SH3BGRL2: variants seen among roughly 807,000 people sequenced by gnomAD.
SH3BGRL2 encodes the protein SH3 domain binding glutamate rich protein like 2, also known as SH3 domain-binding glutamic acid-rich-like protein 2.
In SH3BGRL2, 21 loss-of-function variants were observed where a neutral mutation model predicts 14.8. That is an observed-to-expected ratio of 1.42 (90% CI 1.01 to 2.05). The LOEUF (loss-of-function observed/expected upper bound fraction) is 2.05. SH3BGRL2 is among the 30% of genes most tolerant of loss of function. SH3BGRL2 has a pLI of 0.00. For synonymous variants in SH3BGRL2, 50 were observed against 47.8 expected, an observed-to-expected ratio of 1.05 and a Z score of -0.19; for missense variants, 147 against 130.8, an observed-to-expected ratio of 1.12 and a Z score of -0.61.
the SH3BGRL2 span, among the ~76,000 whole-genome samples, chr6:79,547,423 G>T: frequency 6.6e-6 from 1 of 152,068 alleles, no homozygotes; most frequent in Non-Finnish European, 1.5e-5. Context: ...ATTGCCCAAG[G>T]TCACCCACCA....
the SH3BGRL2 span, among the ~76,000 whole-genome samples, chr6:79,551,071 A>T: frequency 2.0e-5 from 3 of 152,220 alleles, no homozygotes; most frequent in Admixed American, 6.5e-5. Flanking sequence ...GAAAAGAAAG[A>T]AATATCCACC....
chr6:79,661,395 A>C (rs1394345459), intron 1 of SH3BGRL2, among the ~76,000 whole-genome samples: 4 of 152,194 alleles, frequency 2.6e-5, no homozygotes, highest in Admixed American at 2.6e-4. Flanking sequence ...TTTACCCAGT[A>C]GTCATTCAGT....
At chr6:79,647,162 T>C (rs543987047) in intron 1 of SH3BGRL2, among the ~76,000 whole-genome samples, 2 of 152,338 alleles carry the variant, frequency 1.3e-5, no homozygotes, top group South Asian at 2.1e-4. Context: ...CCACTAGCAA[T>C]GTATGCAGGT....
intron 1 of SH3BGRL2, among the ~76,000 whole-genome samples, chr6:79,644,479 T>G (rs1769089516): frequency 6.6e-6 from 1 of 152,206 alleles, no homozygotes; most frequent in African/African-American, 2.4e-5. Flanking sequence ...TCATTGTGCT[T>G]TGTTTATTGT....
At chr6:79,624,345 T>C in the SH3BGRL2 span, among the ~76,000 whole-genome samples, 1 of 150,494 alleles carries the variant, frequency 6.6e-6, no homozygotes, top group Non-Finnish European at 1.5e-5. Context: ...AAACTATCTA[T>C]AATTAATATT....
chr6:79,631,445 C>T lies in SH3BGRL2; in HGVS notation c.-17C>T, dbSNP rs754089487. ...GAGCCCGGGGGGCAAGGGGTCTGTC[C>T]CGGGCGCAGCGAGAGGATGGTCATC... On this transcript the variant is annotated 5_prime_UTR_variant, in exon 1 of 4. Transcript: ENST00000369838. 2.1e-5 allele frequency: 32 copies of T among 1,518,376 alleles called. No individual in the cohort carries two copies. The highest frequency in any genetic ancestry group is 2.6e-5 in the Non-Finnish European group (29 of 1,133,090). The allele number at this position is 1,518,376 out of a possible 1,614,324, so 94.1% of individuals were successfully genotyped here.
intron 2 of SH3BGRL2, among the ~76,000 whole-genome samples, chr6:79,687,971 T>G (rs1380573899): frequency 6.6e-6 from 1 of 152,180 alleles, no homozygotes; most frequent in African/African-American, 2.4e-5. Flanking sequence ...CTAACTGTTC[T>G]CTCCAGAGAC....
intron 1 of SH3BGRL2, among the ~76,000 whole-genome samples, chr6:79,653,190 C>G (rs1436800337): frequency 6.6e-6 from 1 of 152,086 alleles, no homozygotes; most frequent in Non-Finnish European, 1.5e-5. Flanking sequence ...AGGACAAGAT[C>G]AAAAATTTCA....
At chr6:79,665,518 A>G (rs1769639833) in intron 1 of SH3BGRL2, among the ~76,000 whole-genome samples, 1 of 152,216 alleles carries the variant, frequency 6.6e-6, no homozygotes, top group Non-Finnish European at 1.5e-5. Flanking sequence ...AAAATTTCAA[A>G]TGGGAAAGAT....
chr6:79,644,346 G>C (rs924548757), intron 1 of SH3BGRL2, among the ~76,000 whole-genome samples: 14 of 152,076 alleles, frequency 9.2e-5, no homozygotes, highest in Admixed American at 5.2e-4. Flanking sequence ...GGGGAGTGTA[G>C]ACAGCCTCCA....
At chr6:79,609,560 T>C in the SH3BGRL2 span, among the ~76,000 whole-genome samples, 1 of 152,082 alleles carries the variant, frequency 6.6e-6, no homozygotes, top group African/African-American at 2.4e-5. Context: ...CCCTACAGCA[T>C]GGGTAAGTCA....
rs114060241 is a variant in SH3BGRL2 at position 79,635,158 on chromosome 6, C to A, written c.45+3652C>A. ...CCTAGTTGTGTGATTTCAGAAGAATCTTTACCTTCCTACTTGCCTTGACTA... is the reference window on the plus strand; with the variant it reads ...CCTAGTTGTGTGATTTCAGAAGAATATTTACCTTCCTACTTGCCTTGACTA... On this transcript the variant is annotated intron_variant, in intron 1 of 3. Coordinates refer to ENST00000369838, the MANE Select transcript of SH3BGRL2 (RefSeq NM_031469.4). Among the ~76,000 whole-genome samples the A allele has an allele frequency of 6.7e-3, 1,015 of 152,310 alleles. 12 individuals carry two copies. The highest frequency in any genetic ancestry group is 0.023 in the African/African-American group (947 of 41,566).
At chr6:79,578,802 T>C in the SH3BGRL2 span, among the ~76,000 whole-genome samples, 2 of 152,162 alleles carry the variant, frequency 1.3e-5, no homozygotes, top group Admixed American at 6.5e-5. Flanking sequence ...AGATTGACTT[T>C]TACAAGTAGG....
At chr6:79,552,259 T>C in the SH3BGRL2 span, among the ~76,000 whole-genome samples, 2 of 152,322 alleles carry the variant, frequency 1.3e-5, no homozygotes, top group South Asian at 2.1e-4. Flanking sequence ...TTCCCGTTCA[T>C]GTCTGTGAAC....
At chr6:79,680,730 T>C (rs981963267) in intron 2 of SH3BGRL2, among the ~76,000 whole-genome samples, 7 of 152,146 alleles carry the variant, frequency 4.6e-5, no homozygotes, top group Non-Finnish European at 7.4e-5. Context: ...TATTTGAATC[T>C]CCTTTAATTT....
At chr6:79,629,822 C>T (rs1195285751), upstream of SH3BGRL2, among the ~76,000 whole-genome samples, 1 of 152,114 alleles carries the variant, frequency 6.6e-6, no homozygotes, top group Admixed American at 6.6e-5. Context: ...AGAAATGACT[C>T]GTTCAACTTT....
At chr6:79,616,791 CTTG>C in the SH3BGRL2 span, among the ~76,000 whole-genome samples, 1 of 152,118 alleles carries the variant, frequency 6.6e-6, no homozygotes, top group Non-Finnish European at 1.5e-5. Context: ...ACATGCTGCC[CTTG>C]TTGTTTTGGG....
At chr6:79,548,220 A>G in the SH3BGRL2 span, among the ~76,000 whole-genome samples, 2 of 152,288 alleles carry the variant, frequency 1.3e-5, no homozygotes, top group African/African-American at 2.4e-5. Context: ...CAACAATTTT[A>G]TCATCTTAAA....
chr6:79,693,442 C>G (rs961498777), intron 2 of SH3BGRL2, among the ~76,000 whole-genome samples: 7 of 150,442 alleles, frequency 4.7e-5, no homozygotes, highest in African/African-American at 1.0e-4. Context: ...TGCCAGTTTT[C>G]AAAGGGAATG....
Sources: allele counts gnomAD v4.1 joint callset (sites outside exome capture counted in the v4.1 genomes callset), GRCh38; gene constraint gnomAD v4.1.1; transcripts MANE v1.5; gene names NCBI Gene and HGNC (gene_info 2026-07-23, HGNC 2026-07-21).